Variants in SAMD4B observed in about 807,000 individuals in gnomAD.
SAMD4B encodes sterile alpha motif domain containing 4B, also known as protein Smaug homolog 2.
In SAMD4B, 5 loss-of-function variants were observed where a neutral mutation model predicts 74.5. That is an observed-to-expected ratio of 0.07 (90% CI 0.04 to 0.14). The LOEUF is 0.14. Ranked by LOEUF, SAMD4B falls within the 10% of genes least tolerant of loss-of-function variation. The pLI, the probability that SAMD4B is intolerant of heterozygous loss-of-function variation, is 1.00. For missense variants in SAMD4B, 608 were observed against 921.8 expected (o/e 0.66, Z 4.41); for synonymous variants, 373 against 374.9 (o/e 1.00, Z 0.06).
At chr19:39,376,842 C>T in intron 7 of SAMD4B, 51 bp downstream of exon 7, 1 of 1,520,512 alleles carries the variant, frequency 6.6e-7, no homozygotes, top group Non-Finnish European at 9.1e-7. Context: ...CTTGGTGGTA[C>T]CAGTAGACCA....
intron 1 of SAMD4B, among the ~76,000 whole-genome samples, chr19:39,343,982 ACC>A (rs141556423): frequency 3.6e-4 from 19 of 52,810 alleles, no homozygotes; most frequent in Non-Finnish European, 4.8e-4. Context: ...GGTTTTCAGG[ACC>A]CCCCCCCCCC....
intron 4 of SAMD4B, among the ~76,000 whole-genome samples, chr19:39,370,454 A>T (rs1308961789): frequency 6.6e-6 from 1 of 152,348 alleles, no homozygotes; most frequent in Admixed American, 6.5e-5. Flanking sequence ...CAACTCAACA[A>T]GATCTGTTTT....
downstream of SAMD4B, chr19:39,386,724 C>G: frequency 1.9e-6 from 3 of 1,614,028 alleles, no homozygotes; most frequent in Non-Finnish European, 2.5e-6. The surrounding 1 kb of genome is among the most constrained non-coding windows in gnomAD (Gnocchi z 6.1). Context: ...CATTCATGTC[C>G]CGATGTTTGA....
downstream of SAMD4B, chr19:39,390,137 C>T (rs2078343555): frequency 6.2e-7 from 1 of 1,613,994 alleles, no homozygotes; most frequent in Admixed American, 1.7e-5. Flanking sequence ...TATTGCAGTA[C>T]TTGACTCGGC....
intron 3 of SAMD4B, among the ~76,000 whole-genome samples, chr19:39,362,572 G>A (rs1390168739): frequency 6.6e-6 from 1 of 152,148 alleles, no homozygotes; most frequent in Non-Finnish European, 1.5e-5. Context: ...GTTACCCCTT[G>A]TTGTAATCCC....
chr19:39,355,421 A>C (rs1163823234), intron 2 of SAMD4B, among the ~76,000 whole-genome samples: 1 of 152,212 alleles, frequency 6.6e-6, no homozygotes, highest in East Asian at 1.9e-4. Flanking sequence ...TGCACCCCAC[A>C]GCCCTCCTCA....
chr19:39,362,754 G>A (rs1310495598), intron 3 of SAMD4B, among the ~76,000 whole-genome samples: 1 of 152,082 alleles, frequency 6.6e-6, no homozygotes, highest in Non-Finnish European at 1.5e-5. Context: ...CTGTCCTGTA[G>A]CTTCCTGGGA....
intron 3 of SAMD4B, among the ~76,000 whole-genome samples, chr19:39,358,408 C>T (rs954911118): frequency 4.6e-5 from 7 of 152,122 alleles, no homozygotes; most frequent in Non-Finnish European, 1.0e-4. Flanking sequence ...CGCGCCACCA[C>T]GCCTGGCTAA....
chr19:39,349,090 C>T (rs1243444862), intron 1 of SAMD4B, among the ~76,000 whole-genome samples: 1 of 152,064 alleles, frequency 6.6e-6, no homozygotes, highest in Non-Finnish European at 1.5e-5. Flanking sequence ...ATTTCCAACC[C>T]GGCAGTCTGG....
At chr19:39,360,449 A>G (rs1189731048) in intron 3 of SAMD4B, among the ~76,000 whole-genome samples, 3 of 152,220 alleles carry the variant, frequency 2.0e-5, no homozygotes, top group Admixed American at 6.5e-5. Context: ...TGGAGAGGAA[A>G]GGAAAACTTA....
downstream of SAMD4B, chr19:39,389,016 C>G: frequency 6.2e-7 from 1 of 1,614,146 alleles, no homozygotes; most frequent in Non-Finnish European, 8.5e-7. This position sits in a 1 kb window ranked among gnomAD's most constrained non-coding sequence, Gnocchi z 5.3. Context: ...GCTGTGAGAT[C>G]TGGTGGAACA....
At position 39,377,490 on chromosome 19, in the gene SAMD4B, G is replaced by A; in HGVS notation, c.1110G>A (p.Val370=). ...GCCTGTGTCCTCCCATCCAGGATGT[G>A]CTGGAAGGCGGGAACCTACGAAACG... is the stretch of plus-strand genomic sequence containing the variant. ...QSVLKSLEKD[V]LEGGNLRNAL... is the part of the protein sequence containing the mutation. Residue 370 remains valine, a synonymous_variant, in exon 8 of 14, where the codon GTG becomes GTA. Transcript: ENST00000610417. 6.4e-7 allele frequency: 1 copy of A among 1,561,812 alleles called. No homozygotes were observed. Among genetic ancestry groups the A allele is most frequent in the South Asian group, 1.2e-5 (1 of 83,956 alleles).
At chr19:39,389,982 C>T (rs1344031527), downstream of SAMD4B, 10 of 1,159,588 alleles carry the variant, frequency 8.6e-6, no homozygotes, top group Admixed American at 1.0e-4. The surrounding 1 kb of genome is among the most constrained non-coding windows in gnomAD (Gnocchi z 5.3). Context: ...CTGTGCTAGG[C>T]CCTGAGCAGA....
intron 3 of SAMD4B, among the ~76,000 whole-genome samples, chr19:39,368,335 G>A (rs1328211873): frequency 6.6e-6 from 1 of 152,092 alleles, no homozygotes; most frequent in Non-Finnish European, 1.5e-5. Context: ...ATGCTTCCTG[G>A]AGGAAGGTAG....
At chr19:39,357,551 G>A (rs2076403366) in intron 3 of SAMD4B, among the ~76,000 whole-genome samples, 1 of 152,232 alleles carries the variant, frequency 6.6e-6, no homozygotes, top group African/African-American at 2.4e-5. Flanking sequence ...CTTCCAGAAA[G>A]TTTTGAATTT....
the SAMD4B span, chr19:39,390,741 G>C: frequency 2.1e-6 from 3 of 1,449,564 alleles, no homozygotes; most frequent in Non-Finnish European, 2.8e-6. Context: ...GGGCAGACCT[G>C]GGGGCTGGTG....
intron 9 of SAMD4B, among the ~76,000 whole-genome samples, chr19:39,379,575 G>A (rs1223632162): frequency 6.6e-6 from 1 of 152,118 alleles, no homozygotes; most frequent in Non-Finnish European, 1.5e-5. Flanking sequence ...GATGAGCAAT[G>A]AATCTTTTTT....
chr19:39,390,353 G>C, downstream of SAMD4B: 9 of 1,494,952 alleles, frequency 6.0e-6, no homozygotes, highest in South Asian at 2.4e-5. Flanking sequence ...AATGAAAAAG[G>C]CTTCCCCAAC....
At chr19:39,367,857 C>T (rs1314945728) in intron 3 of SAMD4B, among the ~76,000 whole-genome samples, 3 of 151,632 alleles carry the variant, frequency 2.0e-5, no homozygotes, top group African/African-American at 7.3e-5. Context: ...AGTTCCTACC[C>T]AAGCCTTCTT....
Sources: gnomAD v4.1 joint callset for allele counts (sites outside exome capture counted in the v4.1 genomes callset) on GRCh38, gnomAD v4.1.1 for gene constraint, Gnocchi (gnomAD v3.1) non-coding constraint, MANE v1.5 for transcripts, NCBI Gene and HGNC (gene_info 2026-07-23, HGNC 2026-07-21) for gene names.